Variants in NAALADL2 observed in about 807,000 individuals in gnomAD.
NAALADL2 encodes N-acetylated alpha-linked acidic dipeptidase like 2.
A neutral mutation model predicts 87.2 loss-of-function variants in NAALADL2; 76 were observed. The observed-to-expected ratio is 0.87, with a 90% CI of 0.72 to 1.05. NAALADL2 has a LOEUF of 1.05. NAALADL2 is among the 50% of genes least tolerant of loss of function. NAALADL2 has a pLI of 0.00. For synonymous variants in NAALADL2, 354 were observed against 331.0 expected (o/e 1.07, Z -0.75); for missense variants, 1,089 against 945.8 (o/e 1.15, Z -1.99).
chr3:174,900,509 T>A (rs1358520563), intron 1 of NAALADL2, among the ~76,000 whole-genome samples: 1 of 151,956 alleles, frequency 6.6e-6, no homozygotes, highest in Admixed American at 6.5e-5. Context: ...TGTTTTGCAA[T>A]ATAGATAAAA....
intron 2 of NAALADL2, among the ~76,000 whole-genome samples, chr3:174,655,836 A>G (rs2108765838): frequency 6.6e-6 from 1 of 152,324 alleles, no homozygotes; most frequent in South Asian, 2.1e-4. Context: ...AACATATAAA[A>G]GTTTTAAAAC....
At chr3:174,832,317 C>T (rs764001040) in intron 3 of NAALADL2, among the ~76,000 whole-genome samples, 192 of 152,198 alleles carry the variant, frequency 1.3e-3, no homozygotes, top group Non-Finnish European at 2.0e-3. Flanking sequence ...TGTCTTTGTT[C>T]TCGTTGGTTT....
rs570739493 is a variant in NAALADL2 at position 175,174,358 on chromosome 3, G to A, written c.546-59573G>A. Among the ~76,000 whole-genome samples, 5 of 152,094 alleles carry A rather than the reference G, an allele frequency of 3.3e-5. No homozygotes were observed. In the South Asian group the frequency reaches 1.0e-3, roughly 32 times the overall value. The stretch of plus-strand genomic sequence containing the variant: ...TCAAACACTTATTTTTAGCTATTGG[G>A]CATTAGCACATCTTGATAGACTACA... On this transcript the variant is annotated intron_variant, in intron 2 of 13. Coordinates refer to ENST00000454872, the MANE Select transcript of NAALADL2 (RefSeq NM_207015.3).
At chr3:175,758,418 G>T in intron 13 of NAALADL2, among the ~76,000 whole-genome samples, 1 of 151,726 alleles carries the variant, frequency 6.6e-6, no homozygotes, top group East Asian at 1.9e-4. Flanking sequence ...ATTTATGTGT[G>T]TATACCTATA....
intron 1 of NAALADL2, among the ~76,000 whole-genome samples, chr3:174,533,412 T>G (rs1349610370): frequency 6.6e-6 from 1 of 152,146 alleles, no homozygotes; most frequent in Admixed American, 6.5e-5. Context: ...TTTTCTCTTC[T>G]CTGTTAATCT....
At chr3:174,637,848 A>T (rs1178651197) in intron 2 of NAALADL2, among the ~76,000 whole-genome samples, 1 of 152,118 alleles carries the variant, frequency 6.6e-6, no homozygotes, top group African/African-American at 2.4e-5. Flanking sequence ...TTCCTCTGCT[A>T]AAACTTTATT....
intron 1 of NAALADL2, among the ~76,000 whole-genome samples, chr3:174,478,424 T>G (rs1717346077): frequency 6.6e-6 from 1 of 152,122 alleles, no homozygotes; most frequent in Non-Finnish European, 1.5e-5. Flanking sequence ...GCATGATGTA[T>G]ATATAGATAA....
chr3:175,358,005 T>C (rs1284971745), intron 5 of NAALADL2, among the ~76,000 whole-genome samples: 1 of 152,124 alleles, frequency 6.6e-6, no homozygotes, highest in Non-Finnish European at 1.5e-5. Context: ...AGCAGATAGC[T>C]TAGTTTATGG....
At chr3:174,837,859 G>T (rs1403179867) in intron 3 of NAALADL2, among the ~76,000 whole-genome samples, 1 of 151,548 alleles carries the variant, frequency 6.6e-6, no homozygotes, top group African/African-American at 2.4e-5. Flanking sequence ...TCCAGGACCA[G>T]ACAGATTCAC....
chr3:175,658,354 A>G (rs149735162), intron 11 of NAALADL2, among the ~76,000 whole-genome samples: 1 of 152,294 alleles, frequency 6.6e-6, no homozygotes, highest in East Asian at 1.9e-4. Flanking sequence ...TCTACAGAAA[A>G]TAATGTCTAG....
chr3:175,666,442 T>C (rs1178911797), intron 11 of NAALADL2, among the ~76,000 whole-genome samples: 1 of 152,224 alleles, frequency 6.6e-6, no homozygotes, highest in African/African-American at 2.4e-5. Flanking sequence ...ACTTGTAGTA[T>C]AGAGACAATG....
intron 9 of NAALADL2, among the ~76,000 whole-genome samples, chr3:175,485,173 A>G (rs1398284099): frequency 6.6e-6 from 1 of 152,132 alleles, no homozygotes; most frequent in Non-Finnish European, 1.5e-5. Context: ...TGTTGTTGCT[A>G]TGTACTGAAT....
intron 2 of NAALADL2, among the ~76,000 whole-genome samples, chr3:174,579,895 C>T (rs973650448): frequency 5.3e-5 from 8 of 151,864 alleles, no homozygotes; most frequent in African/African-American, 1.9e-4. Flanking sequence ...CTTATGTAGA[C>T]ATAGTATTTA....
chr3:175,353,269 G>A (rs1763981020), intron 5 of NAALADL2, among the ~76,000 whole-genome samples: 1 of 151,978 alleles, frequency 6.6e-6, no homozygotes, highest in South Asian at 2.1e-4. Flanking sequence ...CTACTTGAGA[G>A]GTTGAGGTCG....
chr3:175,387,260 C>T (rs1768506947), intron 5 of NAALADL2, among the ~76,000 whole-genome samples: 1 of 152,120 alleles, frequency 6.6e-6, no homozygotes, highest in Admixed American at 6.5e-5. Flanking sequence ...CCTTGGAATG[C>T]ATTCCCTATG....
At chr3:175,326,780 G>A (rs190080642) in intron 5 of NAALADL2, among the ~76,000 whole-genome samples, 127 of 152,178 alleles carry the variant, frequency 8.3e-4, no homozygotes, top group South Asian at 1.7e-3. Flanking sequence ...TCAAAATAAC[G>A]CGCCTGCTCT....
intron 5 of NAALADL2, among the ~76,000 whole-genome samples, chr3:175,324,812 TAAGAG>T (rs1760481723): frequency 6.6e-6 from 1 of 152,218 alleles, no homozygotes; most frequent in South Asian, 2.1e-4. Context: ...CTGGCTGTCT[TAAGAG>T]AAGGGACCTC....
intron 9 of NAALADL2, among the ~76,000 whole-genome samples, chr3:175,496,591 G>A (rs933369931): frequency 1.3e-5 from 2 of 151,918 alleles, no homozygotes; most frequent in Admixed American, 6.6e-5. Flanking sequence ...ATCTTACTTT[G>A]TCACCCAAGC....
At chr3:175,366,640 G>C (rs1485588345) in intron 5 of NAALADL2, among the ~76,000 whole-genome samples, 1 of 151,618 alleles carries the variant, frequency 6.6e-6, no homozygotes, top group Non-Finnish European at 1.5e-5. Context: ...TGTGTCTGTT[G>C]GCTGCATAAA....
Sources: allele counts gnomAD v4.1 joint callset (sites outside exome capture counted in the v4.1 genomes callset), GRCh38; gene constraint gnomAD v4.1.1; transcripts MANE v1.5; gene names NCBI Gene and HGNC (gene_info 2026-07-23, HGNC 2026-07-21).